The following HOXB3 variants were observed in gnomAD, a reference collection of about 807,000 sequenced individuals.
The protein encoded by HOXB3 is homeobox B3.
HOXB3 carries 17 observed loss-of-function variants against 29.2 expected under a neutral mutation model. The observed-to-expected ratio is 0.58, with a 90% CI of 0.40 to 0.87. HOXB3 has a LOEUF of 0.87. HOXB3 is among the 40% of genes least tolerant of loss of function. HOXB3 has a pLI of 0.00. For synonymous variants in HOXB3, 317 were observed against 285.9 expected (o/e 1.11, Z -1.10); for missense variants, 637 against 616.3 (o/e 1.03, Z -0.35).
chr17:48,552,089 A>G lies in HOXB3; in HGVS notation c.386T>C (p.Ile129Thr). 6.2e-7 allele frequency: 1 copy of G among 1,610,976 alleles called. No homozygotes were observed. The highest frequency in any genetic ancestry group is 8.5e-7 in the Non-Finnish European group (1 of 1,177,862). The change falls in exon 4 of 5, where the codon ATA becomes ACA. Residue 129 changes from isoleucine to threonine, a missense_variant. Ile to Thr is a moderately conservative substitution (Grantham distance 89). Transcript: ENST00000498678. The part of the protein sequence containing the change: ...PGTNSTLTKQ[I>T]FPWMKESRQT... ...CCTCGACTCTTTCATCCAGGGGAAT[A>G]TCTGTTTGGTGAGGGTGGAGTTGGT...
chr17:48,585,790 C>A (rs2070035407), intron 1 of HOXB3, among the ~76,000 whole-genome samples: 1 of 152,218 alleles, frequency 6.6e-6, no homozygotes, highest in South Asian at 2.1e-4. Flanking sequence ...AGGGTATCCT[C>A]TATCATGCCT....
intron 4 of HOXB3, among the ~76,000 whole-genome samples, chr17:48,551,573 G>A (rs2068745261): frequency 6.6e-6 from 1 of 152,246 alleles, no homozygotes; most frequent in South Asian, 2.1e-4. Flanking sequence ...AGGACAGGAT[G>A]GGAGACTGAG....
intron 2 of HOXB3, among the ~76,000 whole-genome samples, chr17:48,566,501 A>T (rs1006109276): frequency 2.0e-5 from 3 of 151,642 alleles, no homozygotes; most frequent in African/African-American, 7.3e-5. Flanking sequence ...GGTTGGTCAG[A>T]CTTCCACGTC....
At chr17:48,571,249 T>C (rs1256841365) in intron 2 of HOXB3, among the ~76,000 whole-genome samples, 1 of 152,182 alleles carries the variant, frequency 6.6e-6, no homozygotes. Context: ...CACAAATCCG[T>C]CAGCGCTCAA....
intron 1 of HOXB3, chr17:48,577,994 C>A (rs2069823495): frequency 8.1e-7 from 1 of 1,230,974 alleles, no homozygotes; most frequent in Non-Finnish European, 1.0e-6. Flanking sequence ...CGCCTCGCAG[C>A]GCTGGCCGGG....
At chr17:48,563,126 C>T (rs2069256303) in intron 2 of HOXB3, among the ~76,000 whole-genome samples, 1 of 152,200 alleles carries the variant, frequency 6.6e-6, no homozygotes, top group Non-Finnish European at 1.5e-5. Context: ...CTTGGCTTCC[C>T]ACCACAAAGT....
chr17:48,557,953 G>T lies in HOXB3; in HGVS notation c.-246-2335C>A, dbSNP rs149493483. The stretch of plus-strand genomic sequence containing the variant: ...ACAGGGTCAGACCCCATGTAACTTT[G>T]AGCTTGGTGGGTCAGGGACTCAGGC... On this transcript the variant is annotated intron_variant, in intron 2 of 4. Transcript: ENST00000498678. Among the ~76,000 whole-genome samples, 44 of 152,060 alleles carry T rather than the reference G, an allele frequency of 2.9e-4. No homozygotes were observed. In the East Asian group the frequency reaches 8.5e-3, roughly 29 times the overall value.
At position 48,554,275 on chromosome 17, in the gene HOXB3, T is replaced by C. The variant is rs1011557920; in HGVS notation, c.-159+1256A>G. On this transcript the variant is annotated intron_variant, in intron 3 of 4. Transcript: ENST00000498678. This position sits in a 1 kb window ranked among gnomAD's most constrained non-coding sequence, Gnocchi z 4.1. ...TAGAGAAGAGAATGAAATAAAAACG[T>C]TGGAGGGGGTTGGCTGGCTAGGCCC... 3.4e-5 allele frequency: 8 copies of C among 234,410 alleles called. No homozygotes were observed. Among genetic ancestry groups the C allele is most frequent in the Non-Finnish European group, 5.9e-5 (7 of 118,774 alleles). 14.5% of individuals were successfully genotyped at this position (234,410 alleles called of 1,614,324 possible). A position where few individuals can be genotyped will look rare whatever the true frequency, so the allele number is the denominator to read the frequency against.
In HOXB3 at chr17:48,551,043, G is replaced by A; in HGVS notation, c.587C>T (p.Thr196Met). 1 of 1,606,724 alleles carries A rather than the reference G, an allele frequency of 6.2e-7. No homozygotes were observed. Among genetic ancestry groups the A allele is most frequent in the Non-Finnish European group, 8.5e-7 (1 of 1,175,364 alleles). Residue 196 changes from threonine (T) to methionine (M), a missense_variant, in exon 5 of 5, where the codon ACG becomes ATG. By Grantham distance (81) the Thr-to-Met change is moderately conservative. Coordinates refer to ENST00000498678, the MANE Select transcript of HOXB3 (RefSeq NM_001384749.1). ...AASKRARTAY[T>M]SAQLVELEKE... ...CTCCAGCTCCACCAGCTGCGCGCTC[G>A]TGTACGCCGTCCGCGCCCGCTTGGA... is the stretch of plus-strand genomic sequence containing the variant.
intron 1 of HOXB3, chr17:48,574,293 C>G (rs1354616935): frequency 5.9e-6 from 1 of 168,474 alleles, no homozygotes; most frequent in Non-Finnish European, 1.3e-5. Flanking sequence ...AGCTAAACCA[C>G]CACACCGCAA....
In HOXB3 at chr17:48,550,243, G is replaced by A. The variant is rs1567941111; in HGVS notation, c.*91C>T. 4 of 1,546,784 alleles carry A rather than the reference G, an allele frequency of 2.6e-6. No individual in the cohort carries two copies. In the African/African-American group the frequency reaches 5.5e-5, roughly 21 times the overall value. ...AGGAAGCCTGGGTACCACCTTCTCT[G>A]GCTCCTCTTTTCAGACCTCCAGGTT... is the stretch of plus-strand genomic sequence containing the variant. On this transcript the variant is annotated 3_prime_UTR_variant, in exon 5 of 5. Coordinates refer to ENST00000498678, the MANE Select transcript of HOXB3 (RefSeq NM_001384749.1).
chr17:48,571,501 G>A (rs2069585521), intron 2 of HOXB3, among the ~76,000 whole-genome samples: 1 of 152,254 alleles, frequency 6.6e-6, no homozygotes, highest in Admixed American at 6.5e-5. Flanking sequence ...CACTAGGATT[G>A]TCTGGAGTGA....
chr17:48,576,585 GTA>G (rs890720545), intron 1 of HOXB3: 8 of 695,830 alleles, frequency 1.1e-5, no homozygotes, highest in Non-Finnish European at 1.4e-5. Flanking sequence ...GCGTTTATTC[GTA>G]TATAAAGTGT....
At chr17:48,562,931 G>C (rs1020578622) in intron 2 of HOXB3, among the ~76,000 whole-genome samples, 1 of 152,112 alleles carries the variant, frequency 6.6e-6, no homozygotes, top group Non-Finnish European at 1.5e-5. Flanking sequence ...TACTCTGCTC[G>C]TCTTTGTATT....
intron 2 of HOXB3, among the ~76,000 whole-genome samples, chr17:48,563,205 G>A (rs1037975185): frequency 2.6e-5 from 4 of 152,218 alleles, no homozygotes; most frequent in Non-Finnish European, 5.9e-5. Flanking sequence ...AAAGGGTAGA[G>A]GGGCAGGGGC....
chr17:48,560,515 ATCT>A (rs948671461), intron 2 of HOXB3, among the ~76,000 whole-genome samples: 41 of 151,686 alleles, frequency 2.7e-4, no homozygotes, highest in Non-Finnish European at 5.2e-4. Context: ...ATCTCTTCCC[ATCT>A]TCTTCTTCCC....
rs753640502 is a variant in HOXB3, at chr17:48,550,560, C to T, written c.1070G>A (p.Gly357Asp). The change falls in exon 5 of 5, where the codon GGC becomes GAC. Residue 357 changes from glycine to aspartate, a missense_variant. Transcript: ENST00000498678. Reference protein sequence around the residue: ...QGSPVYVGGGGYADPLPPPAG... With the variant: ...QGSPVYVGGGDYADPLPPPAG... ...AGGGGGCGGCAGCGGATCCGCGTAGCCGCCCCCGCCCACGTACACCGGACT... is the reference window on the plus strand; with the variant it reads ...AGGGGGCGGCAGCGGATCCGCGTAGTCGCCCCCGCCCACGTACACCGGACT... 2.6e-6 allele frequency: 4 copies of T among 1,521,176 alleles called. No individual in the cohort carries two copies. The highest frequency in any genetic ancestry group is 1.4e-5 in the African/African-American group (1 of 71,808). The allele number at this position is 1,521,176 out of a possible 1,614,324, so 94.2% of individuals were successfully genotyped here.
intron 1 of HOXB3, chr17:48,575,140 G>T (rs747837608): frequency 1.3e-5 from 2 of 152,122 alleles, no homozygotes; most frequent in East Asian, 1.9e-4. Context: ...CAGCTTAACC[G>T]CATTTTATTT....
At position 48,552,218 on chromosome 17, in the gene HOXB3, G is replaced by T; in HGVS notation, c.257C>A (p.Pro86Gln). The T allele has an allele frequency of 6.2e-7, 1 of 1,612,816 alleles. No homozygotes were observed. The highest frequency in any genetic ancestry group is 1.1e-5 in the South Asian group (1 of 91,046). ...PGLAPEPLSA[P>Q]PGSPPPSAAP... is the part of the protein sequence containing the mutation. ...GGCACTGGGCGGGGGTGAGCCAGGC[G>T]GGGCCGACAGGGGCTCGGGGGCCAG... is the stretch of plus-strand genomic sequence containing the variant. Residue 86 changes from proline (P) to glutamine (Q), a missense_variant, in exon 4 of 5, where the codon CCG (proline) becomes CAG (glutamine). By Grantham distance (76) the Pro-to-Gln change is moderately conservative (BLOSUM62 -1). Coordinates refer to ENST00000498678, the MANE Select transcript of HOXB3 (RefSeq NM_001384749.1).
Sources: gnomAD v4.1 joint callset for allele counts (sites outside exome capture counted in the v4.1 genomes callset) on GRCh38, gnomAD v4.1.1 for gene constraint, Gnocchi (gnomAD v3.1) non-coding constraint, MANE v1.5 for transcripts, NCBI Gene and HGNC (gene_info 2026-07-23, HGNC 2026-07-21) for gene names.